ANAPC5: variants seen among roughly 807,000 people sequenced by gnomAD.
ANAPC5 encodes the protein anaphase promoting complex subunit 5.
A neutral mutation model predicts 91.3 loss-of-function variants in ANAPC5; 60 were observed. That is an observed-to-expected ratio of 0.66 (90% CI 0.53 to 0.81). ANAPC5 has a LOEUF of 0.81. Ranked by LOEUF, ANAPC5 falls within the 40% of genes least tolerant of loss-of-function variation. ANAPC5 has a pLI of 0.00. For missense variants in ANAPC5, 690 were observed against 931.5 expected (o/e 0.74, Z 3.37); for synonymous variants, 340 against 364.1 (o/e 0.93, Z 0.75).
At chr12:121,347,245 C>A in intron 2 of ANAPC5, 1 of 465,258 alleles carries the variant, frequency 2.1e-6, no homozygotes, top group South Asian at 2.9e-5. Context: ...AATAAACATT[C>A]AATTATCTGC....
At position 121,318,490 on chromosome 12, in the gene ANAPC5, A is replaced by T; in HGVS notation, c.1745+11T>A. 1 of 1,613,580 alleles carries T rather than the reference A, an allele frequency of 6.2e-7. No individual in the cohort carries two copies. The highest frequency in any genetic ancestry group is 8.5e-7 in the Non-Finnish European group (1 of 1,179,766). On this transcript the variant is annotated intron_variant, in intron 14 of 16. Coordinates refer to ENST00000261819, the MANE Select transcript of ANAPC5 (RefSeq NM_016237.5). ...ACCACATCTCCGTGAGATGTACAAG[A>T]GACCCCTTACCTGATCACCATTTCT...
intron 8 of ANAPC5, 37 bp downstream of exon 8, chr12:121,331,310 C>T (rs573209899): frequency 2.6e-6 from 4 of 1,550,758 alleles, no homozygotes; most frequent in Admixed American, 3.4e-5. Flanking sequence ...CAATTCAACC[C>T]GTGAACAAAA....
intron 11 of ANAPC5, among the ~76,000 whole-genome samples, chr12:121,323,632 A>G (rs2136775158): frequency 6.6e-6 from 1 of 152,256 alleles, no homozygotes; most frequent in African/African-American, 2.4e-5. Context: ...ACAGCACCCA[A>G]CTGGGAGGTT....
chr12:121,309,742 A>C lies in ANAPC5; in HGVS notation c.2015T>G (p.Val672Gly). The part of the protein sequence containing the change: ...RAMFLVAKCQ[V>G]ASAASYDQPK... ...CTGATCGTAGGAAGCTGCTGAAGCC[A>C]CCTGGCACTTGGCCACTAAGAACAT... The change falls in exon 16 of 17, where the codon GTG (valine) becomes GGG (glycine). Residue 672 changes from valine to glycine, a missense_variant. Val to Gly is a moderately radical substitution (Grantham distance 109, BLOSUM62 -3). Around this residue, in one of 5 missense-constraint regions of ANAPC5, gnomAD observed 317 missense variants for 438.7 expected, o/e 0.72. Coordinates refer to ENST00000261819, the MANE Select transcript of ANAPC5 (RefSeq NM_016237.5). The C allele has an allele frequency of 6.2e-7, 1 of 1,614,148 alleles. No individual in the cohort carries two copies. The highest frequency in any genetic ancestry group is 8.5e-7 in the Non-Finnish European group (1 of 1,180,018).
chr12:121,328,913 TG>T (rs2136784071), intron 9 of ANAPC5: 1 of 155,006 alleles, frequency 6.5e-6, no homozygotes, highest in Admixed American at 6.5e-5. Flanking sequence ...TGCGCACATA[TG>T]TAATAGGAGA....
Position 121,352,201 on chromosome 12 carries a change from G to A in ANAPC5, c.140C>T (p.Thr47Ile). The change falls in exon 1 of 17, where the codon ACA (threonine) becomes ATA (isoleucine). Residue 47 changes from threonine to isoleucine, a missense_variant. Thr to Ile is a moderately conservative substitution (Grantham distance 89, BLOSUM62 -1). Coordinates refer to ENST00000261819, the MANE Select transcript of ANAPC5 (RefSeq NM_016237.5). ...CATGAGGCTGACGGCGCCCTCGCCTGTGCGGCTCATCTCGTTCAGCAGCAC... is the reference window on the plus strand; with the variant it reads ...CATGAGGCTGACGGCGCCCTCGCCTATGCGGCTCATCTCGTTCAGCAGCAC... ...VLVLLNEMSR[T>I]GEGAVSLMER... 1.2e-6 allele frequency: 2 copies of A among 1,614,072 alleles called. No individual in the cohort carries two copies. Among genetic ancestry groups the A allele is most frequent in the Non-Finnish European group, 1.7e-6 (2 of 1,179,988 alleles).
rs778238400 is a variant in ANAPC5 at position 121,308,664 on chromosome 12, T to C, written c.2084A>G (p.Asn695Ser). Residue 695 changes from asparagine (N) to serine (S), a missense_variant, in exon 17 of 17, where the codon AAT (asparagine) becomes AGT (serine). Physicochemically the swap from Asn to Ser is conservative, Grantham distance 46. This residue lies in a region of ANAPC5 where 317 missense variants were observed against 438.7 expected (regional missense o/e 0.72). Transcript: ENST00000261819. ...CTTTGCAAAATAGTTCTTGGCTTCATTGAGGTTCTCGATGGCAGCCTCCAG... is the reference window on the plus strand; with the variant it reads ...CTTTGCAAAATAGTTCTTGGCTTCACTGAGGTTCTCGATGGCAGCCTCCAG... ...EALEAAIENL[N>S]EAKNYFAKVD... 3.0e-5 allele frequency: 48 copies of C among 1,614,066 alleles called. No homozygotes were observed. Among genetic ancestry groups the C allele is most frequent in the Middle Eastern group, 3.3e-4 (2 of 6,082 alleles).
chr12:121,344,311 G>A (rs1461078178), intron 4 of ANAPC5, among the ~76,000 whole-genome samples: 1 of 152,236 alleles, frequency 6.6e-6, no homozygotes, highest in African/African-American at 2.4e-5. Context: ...GAGTGCGGTG[G>A]CTCACGCCTG....
intron 11 of ANAPC5, among the ~76,000 whole-genome samples, chr12:121,326,062 T>C (rs1237549578): frequency 2.6e-5 from 4 of 152,200 alleles, no homozygotes; most frequent in South Asian, 4.1e-4. Flanking sequence ...TCAGAAAACA[T>C]GGGCAGTGCT....
chr12:121,327,471 C>T (rs557767539), intron 10 of ANAPC5: 35 of 506,106 alleles, frequency 6.9e-5, no homozygotes, highest in Non-Finnish European at 8.0e-5. Context: ...TGGGAGTACA[C>T]GCTCCCAGAT....
rs781924871 is a variant in ANAPC5 at position 121,337,378 on chromosome 12, C to G, written c.672G>C (p.Lys224Asn). ...FFLSQQASLL[K>N]NDETKALTPA... ...GAGTGAGGGCCTTAGTCTCATCATT[C>G]TTTAGCAAAGAAGCCTGAAATTTAA... Residue 224 changes from lysine to asparagine, a missense_variant, in exon 6 of 17, where the codon AAG (lysine) becomes AAC (asparagine). Physicochemically the swap from Lys to Asn is moderately conservative, Grantham distance 94 (BLOSUM62 0). This residue lies in a region of ANAPC5 where 83 missense variants were observed against 150.8 expected (regional missense o/e 0.55). Transcript: ENST00000261819. 1.7e-5 allele frequency: 28 copies of G among 1,612,668 alleles called. No individual in the cohort carries two copies. Among genetic ancestry groups the G allele is most frequent in the Non-Finnish European group, 2.2e-5 (26 of 1,179,158 alleles).
chr12:121,327,453 G>A, intron 10 of ANAPC5: 1 of 543,262 alleles, frequency 1.8e-6, no homozygotes, highest in East Asian at 3.3e-5. Context: ...TAGTGGTTAG[G>A]GCACAGCTGG....
chr12:121,327,050 G>T, intron 11 of ANAPC5, 46 bp downstream of exon 11: 1 of 1,547,944 alleles, frequency 6.5e-7, no homozygotes, highest in South Asian at 1.2e-5. Context: ...AGAAATGGTA[G>T]AGCCTCCATT....
chr12:121,327,495 C>T, intron 10 of ANAPC5: 1 of 472,210 alleles, frequency 2.1e-6, no homozygotes, highest in Non-Finnish European at 3.8e-6. Flanking sequence ...CCCGCCCCCA[C>T]CCCATGTTCC....
At chr12:121,323,350 G>A (rs1013704548) in intron 11 of ANAPC5, among the ~76,000 whole-genome samples, 3 of 151,430 alleles carry the variant, frequency 2.0e-5, no homozygotes, top group Non-Finnish European at 4.4e-5. Flanking sequence ...TTTGAGACAA[G>A]GTTTTGCTCT....
At position 121,318,408 on chromosome 12, in the gene ANAPC5, C is replaced by G. The variant is rs770749369; in HGVS notation, c.1762G>C (p.Ala588Pro). 2.5e-6 allele frequency: 4 copies of G among 1,610,944 alleles called. No homozygotes were observed. The Admixed American group carries it at 5.0e-5, about 20-fold the overall frequency. Residue 588 changes from alanine (A) to proline (P), a missense_variant, in exon 15 of 17, where the codon GCA becomes CCA. Transcript: ENST00000261819. ...EMVISVLLSVAELYWRSSSPT... is the reference protein window; with the variant it reads ...EMVISVLLSVPELYWRSSSPT... ...GAGGAAGATCGCCAGTACAGCTCTG[C>G]CACGGACAGTAGGACACTGACCGTA...
At chr12:121,338,650 A>G (rs1555273754) in intron 5 of ANAPC5, among the ~76,000 whole-genome samples, 1 of 152,174 alleles carries the variant, frequency 6.6e-6, no homozygotes, top group Non-Finnish European at 1.5e-5. Flanking sequence ...ATGGGGAAAA[A>G]TTATTCCAAA....
intron 2 of ANAPC5, chr12:121,347,557 G>A: frequency 2.2e-6 from 1 of 449,294 alleles, no homozygotes; most frequent in Non-Finnish European, 3.9e-6. Flanking sequence ...CCTGAGCTCA[G>A]GAAGTCCAGG....
intron 9 of ANAPC5, 23 bp from the exon 10 acceptor site, chr12:121,328,520 G>A (rs781954005): frequency 6.2e-7 from 1 of 1,605,370 alleles, no homozygotes. Context: ...ATATACCCAC[G>A]ACCCAAGATA....
Sources: gnomAD v4.1 joint callset for allele counts (sites outside exome capture counted in the v4.1 genomes callset) on GRCh38, gnomAD v4.1.1 for gene constraint, gnomAD v4.1.1 regional missense constraint, MANE v1.5 for transcripts, NCBI Gene and HGNC (gene_info 2026-07-23, HGNC 2026-07-21) for gene names.